RNF111: variants seen among roughly 807,000 people sequenced by gnomAD.
RNF111 encodes the protein E3 ubiquitin-protein ligase Arkadia.
Under a neutral mutation model 95.1 loss-of-function variants are expected in RNF111, and 17 were observed. That is an observed-to-expected ratio of 0.18 (90% CI 0.12 to 0.27). The LOEUF is 0.27. Among genes scored for constraint, RNF111 ranks in the 10% least tolerant of loss-of-function variants. RNF111 has a pLI of 1.00. For missense variants in RNF111, 1,189 were observed against 1,210.4 expected, an observed-to-expected ratio of 0.98 and a Z score of 0.26; for synonymous variants, 440 against 414.8, an observed-to-expected ratio of 1.06 and a Z score of -0.74.
At chr15:59,076,506 A>G (rs1483162349) in intron 7 of RNF111, among the ~76,000 whole-genome samples, 1 of 152,232 alleles carries the variant, frequency 6.6e-6, no homozygotes, top group Non-Finnish European at 1.5e-5. Context: ...TAGCTGAGAC[A>G]TAACAGCAAG....
At chr15:59,015,518 A>G (rs943282161) in intron 1 of RNF111, among the ~76,000 whole-genome samples, 1 of 151,966 alleles carries the variant, frequency 6.6e-6, no homozygotes, top group African/African-American at 2.4e-5. Flanking sequence ...CTTTCCCTCT[A>G]GCCTGTTCCC....
At position 59,031,533 on chromosome 15, in the gene RNF111, G is replaced by C. The variant is rs1481387373; in HGVS notation, c.711G>C (p.Lys237Asn). 1.2e-6 allele frequency: 2 copies of C among 1,614,170 alleles called. No homozygotes were observed. Among genetic ancestry groups the C allele is most frequent in the Admixed American group, 3.3e-5 (2 of 60,016 alleles). ...KQKERILMQR[K>N]KREVLARRKY... ...AAGAGAGGATATTAATGCAGAGGAAGAAACGAGAAGTGTTAGCTCGAAGAA... is the reference window on the plus strand; with the variant it reads ...AAGAGAGGATATTAATGCAGAGGAACAAACGAGAAGTGTTAGCTCGAAGAA... Residue 237 changes from lysine (K) to asparagine (N), a missense_variant, in exon 2 of 14, where the codon AAG becomes AAC. Physicochemically the swap from Lys to Asn is moderately conservative, Grantham distance 94. Transcript: ENST00000348370.
chr15:59,002,311 T>G (rs1265287939), intron 1 of RNF111, among the ~76,000 whole-genome samples: 1 of 152,220 alleles, frequency 6.6e-6, no homozygotes, highest in Non-Finnish European at 1.5e-5. Flanking sequence ...ACTCTTAAAC[T>G]TCTTTCAGGT....
chr15:59,074,893 C>G (rs1297384019), intron 6 of RNF111, among the ~76,000 whole-genome samples: 1 of 152,134 alleles, frequency 6.6e-6, no homozygotes, highest in African/African-American at 2.4e-5. Context: ...CCTTTCACTT[C>G]AATACCAGAG....
chr15:59,024,242 A>T (rs150076198), intron 1 of RNF111, among the ~76,000 whole-genome samples: 3 of 152,304 alleles, frequency 2.0e-5, no homozygotes, highest in African/African-American at 7.2e-5. Flanking sequence ...CCATATTCTT[A>T]GTTACCTAAG....
At chr15:59,058,232 A>G in intron 4 of RNF111, 124 bp from the exon 5 acceptor site, 1 of 743,984 alleles carries the variant, frequency 1.3e-6, no homozygotes, top group South Asian at 2.1e-5. Context: ...ACCAAATGTT[A>G]TTAGAGAGCT....
chr15:59,046,646 TCTCAGTGA>T (rs1312371886), intron 2 of RNF111, among the ~76,000 whole-genome samples: 1 of 152,130 alleles, frequency 6.6e-6, no homozygotes. Context: ...TAGGAGAAAA[TCTCAGTGA>T]CCTTGGGTTA....
At chr15:58,999,689 C>A (rs1272184070) in intron 1 of RNF111, among the ~76,000 whole-genome samples, 1 of 152,042 alleles carries the variant, frequency 6.6e-6, no homozygotes, top group East Asian at 1.9e-4. Context: ...GTTTTACTTT[C>A]TAATAGGGTA....
chr15:59,088,326 A>G (rs1316804242), intron 10 of RNF111, among the ~76,000 whole-genome samples: 1 of 152,160 alleles, frequency 6.6e-6, no homozygotes, highest in Non-Finnish European at 1.5e-5. Flanking sequence ...GTAAGTGAAG[A>G]TTTAGATAAT....
intron 2 of RNF111, among the ~76,000 whole-genome samples, chr15:59,032,502 A>G (rs1327938779): frequency 1.3e-5 from 2 of 152,076 alleles, no homozygotes; most frequent in African/African-American, 2.4e-5. Flanking sequence ...GTTCACTGCA[A>G]CCTTCACCTC....
At chr15:59,003,306 T>G (rs968378523) in intron 1 of RNF111, among the ~76,000 whole-genome samples, 22 of 152,060 alleles carry the variant, frequency 1.4e-4, no homozygotes, top group African/African-American at 4.6e-4. Context: ...GCTTTTGCCC[T>G]GTGGCCCAGG....
intron 1 of RNF111, among the ~76,000 whole-genome samples, chr15:59,022,790 C>T (rs2040408835): frequency 6.6e-6 from 1 of 152,204 alleles, no homozygotes; most frequent in Admixed American, 6.5e-5. Context: ...TAGACACATC[C>T]AGTAAGGAGA....
At chr15:59,084,410 G>C (rs2078837415) in intron 9 of RNF111, 156 bp downstream of exon 9, 1 of 642,952 alleles carries the variant, frequency 1.6e-6, no homozygotes, top group East Asian at 3.3e-5. Flanking sequence ...ATAGAGGTTT[G>C]GAGAGGAAAG....
intron 5 of RNF111, among the ~76,000 whole-genome samples, chr15:59,062,452 A>G (rs115749091): frequency 0.01 from 1,530 of 152,168 alleles, 27 homozygotes; most frequent in African/African-American, 0.035. Context: ...TGACCTCTCC[A>G]TGTGGTCCTT....
At chr15:59,093,363 CT>C (rs398043367) in intron 13 of RNF111, 1 of 181,700 alleles carries the variant, frequency 5.5e-6, no homozygotes, top group Non-Finnish European at 1.0e-5. Flanking sequence ...TTTTTTTTTC[CT>C]TTTCTGGGAG....
At chr15:59,016,214 G>T (rs1016020232) in intron 1 of RNF111, among the ~76,000 whole-genome samples, 1 of 150,868 alleles carries the variant, frequency 6.6e-6, no homozygotes, top group Non-Finnish European at 1.5e-5. Context: ...TCTGTTGCCA[G>T]GCTGGAGTGC....
intron 1 of RNF111, among the ~76,000 whole-genome samples, chr15:58,996,649 CTTTTTTTTTTTTTT>C (rs60350601): frequency 2.0e-5 from 2 of 100,810 alleles, no homozygotes. Context: ...TCAGTACTTT[CTTTTTTTTTTTTTT>C]TTTTTTTTTT....
intron 1 of RNF111, among the ~76,000 whole-genome samples, chr15:59,026,896 C>A (rs1414029320): frequency 2.0e-5 from 3 of 152,142 alleles, no homozygotes; most frequent in African/African-American, 7.2e-5. Context: ...ACACACACCA[C>A]AGCATACACC....
chr15:59,096,563 C>T lies in RNF111; in HGVS notation c.*1663C>T, dbSNP rs1389817857. ...ATTCATTCAGTTATGACTACTTGCCCTTTTCTTCATATTAGTAAATGTTAC... is the reference window on the plus strand; with the variant it reads ...ATTCATTCAGTTATGACTACTTGCCTTTTTCTTCATATTAGTAAATGTTAC... On this transcript the variant is annotated 3_prime_UTR_variant, in exon 14 of 14. Transcript: ENST00000348370. The T allele has an allele frequency of 6.5e-6, 1 of 152,736 alleles. No homozygotes were observed. Among genetic ancestry groups the T allele is most frequent in the African/African-American group, 2.4e-5 (1 of 41,444 alleles). 9.5% of individuals were successfully genotyped at this position (152,736 alleles called of 1,614,324 possible).
Sources: gnomAD v4.1 joint callset for allele counts (sites outside exome capture counted in the v4.1 genomes callset) on GRCh38, gnomAD v4.1.1 for gene constraint, MANE v1.5 for transcripts, NCBI Gene and HGNC (gene_info 2026-07-23, HGNC 2026-07-21) for gene names.